Variants in MACF1 observed in about 807,000 individuals in gnomAD.
The protein encoded by MACF1 is microtubule-actin cross-linking factor 1.
A neutral mutation model predicts 854.8 loss-of-function variants in MACF1; 193 were observed. That is an observed-to-expected ratio of 0.23 (90% CI 0.20 to 0.25). The LOEUF (loss-of-function observed/expected upper bound fraction) is 0.25. Among genes scored for constraint, MACF1 ranks in the 10% least tolerant of loss-of-function variants. MACF1 has a pLI of 1.00. For missense variants in MACF1, 7,722 were observed against 8,929.1 expected, an observed-to-expected ratio of 0.86 and a Z score of 5.45; for synonymous variants, 3,185 against 3,226.7, an observed-to-expected ratio of 0.99 and a Z score of 0.44.
chr1:39,410,919 C>A lies in MACF1; in HGVS notation c.15817-11455C>A, dbSNP rs769488209. 2.5e-6 allele frequency: 4 copies of A among 1,614,012 alleles called. No individual in the cohort carries two copies. The East Asian group carries it at 6.7e-5, about 27-fold the overall frequency. Reference sequence around the variant, plus strand: ...AAAACTTAAGTGGAGACTGCCAGGACTTTAGATTTCAGCAGCACAGTGCAA... The same window carrying A: ...AAAACTTAAGTGGAGACTGCCAGGAATTTAGATTTCAGCAGCACAGTGCAA... On this transcript the variant is annotated intron_variant, in intron 58 of 100. Coordinates refer to ENST00000564288, the MANE Select transcript of MACF1 (RefSeq NM_001394062.1).
In MACF1 at chr1:39,334,874, T is replaced by C. The variant is rs1646785230; in HGVS notation, c.8286T>C (p.Asp2762=). 17 of 1,614,122 alleles carry C rather than the reference T, an allele frequency of 1.1e-5. No individual in the cohort carries two copies. The highest frequency in any genetic ancestry group is 1.4e-5 in the Non-Finnish European group (16 of 1,180,002). ...AACTGGCAAATATGATCCAAATAGA[T>C]AGTTCAGAGTTCAGCGATCACAGGG... ...SPELANMIQI[D]SSEFSDHRAQ... is the part of the protein sequence containing the mutation. Residue 2762 remains aspartate, a synonymous_variant, in exon 37 of 101, where the codon GAT becomes GAC. Transcript: ENST00000564288.
chr1:39,327,172 A>T (rs1372201426), intron 35 of MACF1, 46 bp from the exon 36 acceptor site: 6 of 1,511,372 alleles, frequency 4.0e-6, no homozygotes, highest in Non-Finnish European at 5.4e-6. Context: ...GAGTTTGGAG[A>T]TTGTTTTTTT....
chr1:39,285,062 C>T, intron 11 of MACF1, 21 bp from the exon 12 acceptor site: 2 of 1,612,988 alleles, frequency 1.2e-6, no homozygotes, highest in Non-Finnish European at 1.7e-6. Context: ...TGTTTTTGGA[C>T]TGAAAGAGTA....
chr1:39,339,379 C>T (rs759618301), intron 38 of MACF1, among the ~76,000 whole-genome samples: 9 of 152,140 alleles, frequency 5.9e-5, no homozygotes, highest in African/African-American at 2.2e-4. Context: ...TGGAAACACT[C>T]GTCTCACAGA....
intron 2 of MACF1, among the ~76,000 whole-genome samples, chr1:39,137,736 A>T (rs1178613425): frequency 6.6e-6 from 1 of 152,154 alleles, no homozygotes; most frequent in African/African-American, 2.4e-5. Flanking sequence ...AATTAAAAGT[A>T]TTGCATTATC....
chr1:39,447,521 T>A lies in MACF1; in HGVS notation c.19695T>A (p.Ser6565Arg), dbSNP rs1405584752. 7.4e-6 allele frequency: 12 copies of A among 1,614,060 alleles called. No homozygotes were observed. The highest frequency in any genetic ancestry group is 1.0e-5 in the Non-Finnish European group (12 of 1,180,000). Residue 6565 changes from serine (S) to arginine (R), a missense_variant, in exon 81 of 101, where the codon AGT becomes AGA. By Grantham distance (110) the Ser-to-Arg change is moderately radical. Transcript: ENST00000564288. ...FINWLTLAEQ[S>R]LNIASPPSLI... ...ACTGGCTCACTCTAGCAGAGCAGAG[T>A]TTAAACATCGCTTCTCCACCAAGCC...
Position 39,458,451 on chromosome 1 carries a change from A to G in MACF1, c.21157A>G (p.Thr7053Ala), listed in dbSNP as rs1297966196. The G allele has an allele frequency of 6.2e-7, 1 of 1,613,990 alleles. No individual in the cohort carries two copies. Among genetic ancestry groups the G allele is most frequent in the South Asian group, 1.1e-5 (1 of 91,058 alleles). The stretch of plus-strand genomic sequence containing the variant: ...ATACAAAAGGAAAAACATAGAGCCT[A>G]CTCACGCGCCTTTCATAGAGAAATC... ...KTYKRKNIEP[T>A]HAPFIEKSRS... Residue 7053 changes from threonine to alanine, a missense_variant, in exon 90 of 101, where the codon ACT becomes GCT. Coordinates refer to ENST00000564288, the MANE Select transcript of MACF1 (RefSeq NM_001394062.1).
intron 27 of MACF1, 61 bp downstream of exon 27, chr1:39,315,752 A>G (rs1646400383): frequency 2.7e-6 from 4 of 1,508,690 alleles, no homozygotes; most frequent in Non-Finnish European, 3.6e-6. Flanking sequence ...AGAAAGAGAA[A>G]GGCTTAAAGT....
intron 2 of MACF1, among the ~76,000 whole-genome samples, chr1:39,107,474 C>A (rs550062046): frequency 3.5e-4 from 51 of 144,580 alleles, no homozygotes; most frequent in Admixed American, 3.5e-3. Context: ...TAAATTACCT[C>A]GAGTTGTATA....
chr1:39,143,246 A>C (rs578107788), intron 2 of MACF1, among the ~76,000 whole-genome samples: 86 of 152,194 alleles, frequency 5.7e-4, no homozygotes, highest in Non-Finnish European at 7.5e-4. Flanking sequence ...TCTGTGGGCT[A>C]TACGAAAAGA....
In MACF1 at chr1:39,481,022, A is replaced by G. The variant is rs1304087660; in HGVS notation, c.22273A>G (p.Thr7425Ala). Reference protein sequence around the residue: ...DSHSPDLQLPTPEVIPSSGSK... With the variant: ...DSHSPDLQLPAPEVIPSSGSK... ...CCATTCTCCTGACCTCCAGCTGCCC[A>G]CCCCCGAGGTAGAGTATGGCTTTGC... Residue 7425 changes from threonine (T) to alanine (A), a missense_variant, in exon 99 of 101, where the codon ACC (threonine) becomes GCC (alanine). Transcript: ENST00000564288. The G allele has an allele frequency of 6.5e-6, 10 of 1,548,666 alleles. No homozygotes were observed. Among genetic ancestry groups the G allele is most frequent in the Non-Finnish European group, 7.9e-6 (9 of 1,145,488 alleles).
intron 17 of MACF1, among the ~76,000 whole-genome samples, chr1:39,293,173 T>C (rs1236613083): frequency 1.3e-5 from 2 of 152,202 alleles, no homozygotes; most frequent in African/African-American, 2.4e-5. Flanking sequence ...TGATCTGTTG[T>C]TTTTCATCCC....
Position 39,285,195 on chromosome 1 carries a change from G to T in MACF1, c.1244G>T (p.Arg415Leu). The T allele has an allele frequency of 6.2e-7, 1 of 1,614,156 alleles. No individual in the cohort carries two copies. Among genetic ancestry groups the T allele is most frequent in the Non-Finnish European group, 8.5e-7 (1 of 1,180,014 alleles). ...ATGCTGGAACGAGAGAAATCACTTC[G>T]GCCGGCTGTGGAGAGGTGGGTCCAG... ...IEMLEREKSL[R>L]PAVERLELLL... The change falls in exon 12 of 101, where the codon CGG becomes CTG. Residue 415 changes from arginine to leucine, a missense_variant. Physicochemically the swap from Arg to Leu is moderately radical, Grantham distance 102 (BLOSUM62 -2). Around this residue, in one of 15 missense-constraint regions of MACF1, gnomAD observed 1,137 missense variants for 1,263.0 expected, o/e 0.90. Coordinates refer to ENST00000564288, the MANE Select transcript of MACF1 (RefSeq NM_001394062.1).
At chr1:39,425,265 C>T (rs147904625) in intron 61 of MACF1, among the ~76,000 whole-genome samples, 34 of 152,246 alleles carry the variant, frequency 2.2e-4, no homozygotes, top group African/African-American at 7.7e-4. Context: ...CCACTCTCCC[C>T]TCAGTTCATG....
intron 40 of MACF1, among the ~76,000 whole-genome samples, chr1:39,341,964 A>G (rs989963598): frequency 5.3e-5 from 8 of 151,970 alleles, no homozygotes; most frequent in Admixed American, 3.9e-4. Context: ...ACTGCATGTC[A>G]TGAGGGTTTG....
intron 44 of MACF1, among the ~76,000 whole-genome samples, chr1:39,356,913 T>C (rs1478098703): frequency 6.6e-6 from 1 of 152,204 alleles, no homozygotes; most frequent in Non-Finnish European, 1.5e-5. Flanking sequence ...ACAAAGCAAA[T>C]GAGATAATAC....
chr1:39,335,979 A>C lies in MACF1; in HGVS notation c.9391A>C (p.Lys3131Gln), dbSNP rs754682929. 2 of 1,614,208 alleles carry C rather than the reference A, an allele frequency of 1.2e-6. No homozygotes were observed. The highest frequency in any genetic ancestry group is 8.5e-7 in the Non-Finnish European group (1 of 1,180,032). ...AQVTGPSQIS[K>Q]TDKSFQGTTR... ...AGTGACAGGCCCATCCCAAATTTCC[A>C]AAACAGACAAGTCTTTCCAAGGAAC... The change falls in exon 37 of 101, where the codon AAA becomes CAA. Residue 3131 changes from lysine to glutamine, a missense_variant. This residue lies in a region of MACF1 where 854 missense variants were observed against 852.6 expected (regional missense o/e 1.00). Transcript: ENST00000564288.
At chr1:39,450,513 G>T (rs2148677834) in intron 84 of MACF1, among the ~76,000 whole-genome samples, 1 of 151,966 alleles carries the variant, frequency 6.6e-6, no homozygotes, top group South Asian at 2.1e-4. Context: ...TGCCTAAAGG[G>T]TATCTCTACC....
chr1:39,275,406 G>A (rs1022353383), intron 6 of MACF1, among the ~76,000 whole-genome samples: 5 of 151,972 alleles, frequency 3.3e-5, no homozygotes, highest in Non-Finnish European at 7.4e-5. Context: ...TGAGGTCTCA[G>A]CTATGTTGCC....
Sources: allele counts gnomAD v4.1 joint callset (sites outside exome capture counted in the v4.1 genomes callset), GRCh38; gene constraint gnomAD v4.1.1; regional missense constraint gnomAD v4.1.1; transcripts MANE v1.5; gene names NCBI Gene and HGNC (gene_info 2026-07-23, HGNC 2026-07-21).